The following SNTG1 variants were observed in gnomAD, a reference collection of about 807,000 sequenced individuals.
SNTG1 encodes the protein syntrophin gamma 1.
SNTG1 carries 39 observed loss-of-function variants against 74.7 expected under a neutral mutation model. That is an observed-to-expected ratio of 0.52 (90% confidence interval 0.40 to 0.68). The LOEUF is 0.68. Among genes scored for constraint, SNTG1 ranks in the 30% least tolerant of loss-of-function variants. The probability of loss-of-function intolerance (pLI) is 0.00; values close to 1 mark genes in which losing one functional copy is unlikely to be tolerated. For missense variants in SNTG1, 685 were observed against 609.5 expected (o/e 1.12, Z -1.30); for synonymous variants, 254 against 217.1 (o/e 1.17, Z -1.49).
chr8:50,006,311 T>C (rs1353988973), intron 1 of SNTG1, among the ~76,000 whole-genome samples: 1 of 152,192 alleles, frequency 6.6e-6, no homozygotes, highest in Non-Finnish European at 1.5e-5. Flanking sequence ...TTTCTATATT[T>C]TCATTTGTTT....
chr8:50,146,892 T>C (rs931600268), intron 1 of SNTG1, among the ~76,000 whole-genome samples: 14 of 152,318 alleles, frequency 9.2e-5, no homozygotes, highest in Middle Eastern at 3.4e-3. Flanking sequence ...GTTTTAAGAT[T>C]TTTTTATACA....
chr8:50,054,606 G>A (rs1008081920), intron 1 of SNTG1, among the ~76,000 whole-genome samples: 4 of 151,982 alleles, frequency 2.6e-5, no homozygotes, highest in Admixed American at 1.3e-4. Context: ...TTCAAGGTAA[G>A]GTATACAATT....
chr8:50,763,840 C>T (rs184464337), intron 18 of SNTG1, among the ~76,000 whole-genome samples: 43 of 135,746 alleles, frequency 3.2e-4, no homozygotes, highest in African/African-American at 1.1e-3. Flanking sequence ...GAGATAAGCT[C>T]TAAAATTAAT....
intron 1 of SNTG1, among the ~76,000 whole-genome samples, chr8:50,087,563 T>A (rs889430882): frequency 6.6e-6 from 1 of 152,152 alleles, no homozygotes; most frequent in Non-Finnish European, 1.5e-5. Context: ...GGGAAAAATA[T>A]CCTTACATAG....
chr8:50,404,654 A>G (rs1395137356), intron 4 of SNTG1, among the ~76,000 whole-genome samples: 1 of 152,048 alleles, frequency 6.6e-6, no homozygotes, highest in Non-Finnish European at 1.5e-5. Context: ...GGTAAAATAT[A>G]CATAATATAA....
intron 1 of SNTG1, among the ~76,000 whole-genome samples, chr8:50,107,642 C>T (rs1203495659): frequency 6.6e-6 from 1 of 151,836 alleles, no homozygotes; most frequent in Non-Finnish European, 1.5e-5. Flanking sequence ...CCTCTGCTTC[C>T]TAGGTTCAAG....
intron 3 of SNTG1, among the ~76,000 whole-genome samples, chr8:50,398,001 T>G (rs1485991570): frequency 6.6e-6 from 1 of 152,220 alleles, no homozygotes; most frequent in Non-Finnish European, 1.5e-5. Context: ...ATTTCATGAG[T>G]GAGGATCTCA....
intron 15 of SNTG1, among the ~76,000 whole-genome samples, chr8:50,680,835 C>T (rs1205313506): frequency 6.6e-6 from 1 of 152,074 alleles, no homozygotes; most frequent in Non-Finnish European, 1.5e-5. Context: ...TAAAGACTTG[C>T]AGACAGTAAA....
intron 5 of SNTG1, among the ~76,000 whole-genome samples, chr8:50,442,884 C>A (rs934177653): frequency 3.9e-5 from 6 of 152,154 alleles, no homozygotes; most frequent in Non-Finnish European, 8.8e-5. Context: ...TAGTGGCATC[C>A]TGCACATGGC....
intron 5 of SNTG1, among the ~76,000 whole-genome samples, chr8:50,443,845 GA>G: frequency 6.6e-6 from 1 of 152,116 alleles, no homozygotes; most frequent in Non-Finnish European, 1.5e-5. Flanking sequence ...ATTTAAAACT[GA>G]AATAAGACCA....
Position 50,661,729 on chromosome 8 carries a change from G to A in SNTG1, c.1038+3066G>A, listed in dbSNP as rs77896099. On this transcript the variant is annotated intron_variant, in intron 15 of 18. Coordinates refer to ENST00000642720, the MANE Select transcript of SNTG1 (RefSeq NM_018967.5). The stretch of plus-strand genomic sequence containing the variant: ...CCCCAACCTCCCAACAGGCCCTGGT[G>A]TGTGATGTTCTACTTGGGAAAATGT... Among the ~76,000 whole-genome samples the A allele has an allele frequency of 9.6e-4, 146 of 152,242 alleles. 2 individuals carry two copies. In the East Asian group the frequency reaches 0.025, roughly 26 times the overall value.
intron 13 of SNTG1, among the ~76,000 whole-genome samples, chr8:50,641,924 T>C (rs568017921): frequency 1.3e-5 from 2 of 152,340 alleles, no homozygotes; most frequent in East Asian, 3.9e-4. Context: ...AGTCTTAAAC[T>C]GATGAGACAG....
At chr8:50,407,872 T>C (rs1017300819) in intron 4 of SNTG1, among the ~76,000 whole-genome samples, 3 of 152,176 alleles carry the variant, frequency 2.0e-5, no homozygotes, top group Admixed American at 6.5e-5. Flanking sequence ...TAAATCACAG[T>C]GCTGCCAAAA....
chr8:50,704,775 G>A, intron 16 of SNTG1, 23 bp downstream of exon 16: 1 of 1,613,100 alleles, frequency 6.2e-7, no homozygotes, highest in South Asian at 1.1e-5. Context: ...GGGACTGCAG[G>A]ATGTGTGGCT....
chr8:50,212,145 T>G lies in SNTG1; in HGVS notation c.-28+39510T>G, dbSNP rs2084550651. On this transcript the variant is annotated intron_variant, in intron 2 of 18. Coordinates refer to ENST00000642720, the MANE Select transcript of SNTG1 (RefSeq NM_018967.5). ...TCTCTCATTTTCTTCATCAGCGGAC[T>G]TAATACAAACTCAGCAATTTCTTGT... Among the ~76,000 whole-genome samples, 9 of 152,170 alleles carry G rather than the reference T, an allele frequency of 5.9e-5. 1 individual carries two copies. The highest frequency in any genetic ancestry group is 6.6e-5 in the Admixed American group (1 of 15,256).
intron 5 of SNTG1, among the ~76,000 whole-genome samples, chr8:50,446,451 G>A (rs925608448): frequency 1.3e-5 from 2 of 151,470 alleles, no homozygotes; most frequent in Non-Finnish European, 2.9e-5. Flanking sequence ...CAAGGTGGGC[G>A]GATCACCTGA....
At chr8:50,482,770 C>A (rs1238087598) in intron 8 of SNTG1, among the ~76,000 whole-genome samples, 1 of 152,162 alleles carries the variant, frequency 6.6e-6, no homozygotes, top group Non-Finnish European at 1.5e-5. Flanking sequence ...TGGCTCCAAA[C>A]TATGCCTAAT....
rs576610526 is a variant in SNTG1, at chr8:49,950,365, G to T, written c.-103+38134G>T. 1.8e-3 allele frequency among the ~76,000 whole-genome samples: 274 copies of T among 152,196 alleles called. 2 individuals are homozygous for T. The highest frequency in any genetic ancestry group is 7.5e-3 in the South Asian group (36 of 4,810). On this transcript the variant is annotated intron_variant, in intron 1 of 18. Transcript: ENST00000642720. The stretch of plus-strand genomic sequence containing the variant: ...TTTATTTCCCAGTTAATTACAATTG[G>T]AATGATTTTGAAAAACTGCTCAACA...
chr8:50,054,885 C>T (rs748227138), intron 1 of SNTG1, among the ~76,000 whole-genome samples: 3 of 152,114 alleles, frequency 2.0e-5, no homozygotes, highest in African/African-American at 7.2e-5. Context: ...CTATGTTGCT[C>T]AGGCTAGTCT....
Sources: gnomAD v4.1 joint callset for allele counts (sites outside exome capture counted in the v4.1 genomes callset) on GRCh38, gnomAD v4.1.1 for gene constraint, MANE v1.5 for transcripts, NCBI Gene and HGNC (gene_info 2026-07-23, HGNC 2026-07-21) for gene names.